Variants in MEF2C observed in about 807,000 individuals in gnomAD.
MEF2C encodes the protein myocyte-specific enhancer factor 2C.
Under a neutral mutation model 50.5 loss-of-function variants are expected in MEF2C, and 6 were observed. The ratio of observed to expected loss-of-function variants is 0.12; its 90% CI spans 0.07 to 0.23. The LOEUF (loss-of-function observed/expected upper bound fraction) is 0.23. Ranked by LOEUF, MEF2C falls within the 10% of genes least tolerant of loss-of-function variation. The probability of loss-of-function intolerance (pLI) is 1.00; values close to 1 mark genes in which losing one functional copy is unlikely to be tolerated. For missense variants in MEF2C, 276 were observed against 605.0 expected, an observed-to-expected ratio of 0.46 and a Z score of 5.70; for synonymous variants, 183 against 228.0, an observed-to-expected ratio of 0.80 and a Z score of 1.78.
chr5:88,885,292 T>C (rs3850651), upstream of MEF2C, among the ~76,000 whole-genome samples: 1 of 151,884 alleles, frequency 6.6e-6, no homozygotes, highest in Non-Finnish European at 1.5e-5. Context: ...TTTAGGCAAC[T>C]GTCCCAAGGC....
intron 10 of MEF2C, among the ~76,000 whole-genome samples, chr5:88,724,434 A>G (rs1757715397): frequency 6.6e-6 from 1 of 152,144 alleles, no homozygotes; most frequent in South Asian, 2.1e-4. Flanking sequence ...TCCTTCTCCT[A>G]TTAATAAATA....
intron 3 of MEF2C, among the ~76,000 whole-genome samples, chr5:88,783,984 A>G (rs537392402): frequency 6.6e-6 from 1 of 152,392 alleles, no homozygotes; most frequent in South Asian, 2.1e-4. Flanking sequence ...AGATATACAT[A>G]CTGGAAGGCC....
chr5:88,784,543 A>T (rs1250958041), intron 3 of MEF2C, among the ~76,000 whole-genome samples: 2 of 152,210 alleles, frequency 1.3e-5, no homozygotes, highest in Non-Finnish European at 2.9e-5. Flanking sequence ...ATAGCCTAGC[A>T]TAGTTACCAT....
Position 88,722,720 on chromosome 5 carries a change from G to T in MEF2C, c.1306C>A (p.Arg436=), listed in dbSNP as rs778488653. Residue 436 remains arginine (R), a synonymous_variant, in exon 11 of 11, where the codon CGA becomes AGA. Coordinates refer to ENST00000504921, the MANE Select transcript of MEF2C (RefSeq NM_002397.5). ...TGGAATTCGTTCCGGTGATCCTCTC[G>T]GTCGCTCCCGTCGTACGAACTGCTA... ...SCSSSYDGSD[R]EDHRNEFHSP... 1 of 1,613,904 alleles carries T rather than the reference G, an allele frequency of 6.2e-7. No individual in the cohort carries two copies. Among genetic ancestry groups the T allele is most frequent in the Non-Finnish European group, 8.5e-7 (1 of 1,179,884 alleles).
intron 3 of MEF2C, among the ~76,000 whole-genome samples, chr5:88,779,865 C>T (rs1018764755): frequency 1.7e-4 from 26 of 151,568 alleles, no homozygotes; most frequent in African/African-American, 6.3e-4. Context: ...AGGCCAGGCA[C>T]AGTGTCTCAT....
At chr5:88,827,429 A>C (rs535083295) in intron 1 of MEF2C, among the ~76,000 whole-genome samples, 1 of 152,094 alleles carries the variant, frequency 6.6e-6, no homozygotes, top group African/African-American at 2.4e-5. Flanking sequence ...CCAGAAGTGT[A>C]AAATGGGAAC....
In MEF2C at chr5:88,856,521, G is replaced by A. The variant is rs147039243; in HGVS notation, c.-143+26434C>T. On this transcript the variant is annotated intron_variant, in intron 1 of 10. Transcript: ENST00000504921. ...AAAAATGTCTCCAGGGCATGTCAGA[G>A]ACCTTCATGGCAGCCCTTCCTATCA... is the stretch of plus-strand genomic sequence containing the variant. Among the ~76,000 whole-genome samples the A allele has an allele frequency of 3.7e-3, 557 of 152,350 alleles. 2 individuals carry two copies. The highest frequency in any genetic ancestry group is 0.013 in the African/African-American group (528 of 41,570).
rs144261491 is a variant in MEF2C, at chr5:88,838,104, C to T, written c.-142-14174G>A. 3.0e-3 allele frequency among the ~76,000 whole-genome samples: 456 copies of T among 152,168 alleles called. 12 individuals are homozygous for T. The highest frequency in any genetic ancestry group is 0.027 in the Admixed American group (416 of 15,282). Reference sequence around the variant, plus strand: ...CAATCCAGTCTCACACTCAGAGAATCGAATCACATACTCTGTTACTTCTCT... The same window carrying T: ...CAATCCAGTCTCACACTCAGAGAATTGAATCACATACTCTGTTACTTCTCT... On this transcript the variant is annotated intron_variant, in intron 1 of 10. Coordinates refer to ENST00000504921, the MANE Select transcript of MEF2C (RefSeq NM_002397.5).
chr5:88,760,131 T>A (rs1367610282), intron 4 of MEF2C, among the ~76,000 whole-genome samples: 1 of 152,266 alleles, frequency 6.6e-6, no homozygotes, highest in Non-Finnish European at 1.5e-5. Flanking sequence ...ATTTAGAAGG[T>A]ATGTGAGCCT....
intron 2 of MEF2C, among the ~76,000 whole-genome samples, chr5:88,812,860 T>C (rs979101164): frequency 6.6e-6 from 1 of 152,132 alleles, no homozygotes; most frequent in Non-Finnish European, 1.5e-5. Context: ...CTATGGATTT[T>C]AGGGGCTGAA....
intron 6 of MEF2C, chr5:88,735,827 G>A (rs1763833636): frequency 2.0e-6 from 2 of 985,258 alleles, no homozygotes; most frequent in African/African-American, 3.5e-5. Flanking sequence ...ATTTTGCCTT[G>A]TCTCACAGAG....
At chr5:88,731,694 T>A in intron 7 of MEF2C, 35 bp downstream of exon 7, 1 of 1,568,046 alleles carries the variant, frequency 6.4e-7, no homozygotes, top group Non-Finnish European at 8.8e-7. Context: ...TACAAAACAT[T>A]ATCAATATTT....
chr5:88,796,826 T>C (rs1796216751), intron 3 of MEF2C, among the ~76,000 whole-genome samples: 1 of 152,242 alleles, frequency 6.6e-6, no homozygotes, highest in African/African-American at 2.4e-5. Flanking sequence ...ACACTATGTC[T>C]TTGTTCTCAT....
At chr5:88,812,522 TTG>T (rs1365773549) in intron 2 of MEF2C, among the ~76,000 whole-genome samples, 1 of 152,146 alleles carries the variant, frequency 6.6e-6, no homozygotes, top group African/African-American at 2.4e-5. Context: ...TGGTCAAATT[TTG>T]TGTGTGGGTT....
chr5:88,818,264 CA>C (rs1296393700), intron 2 of MEF2C, among the ~76,000 whole-genome samples: 1 of 151,872 alleles, frequency 6.6e-6, no homozygotes, highest in Non-Finnish European at 1.5e-5. Flanking sequence ...ATGAAACAAG[CA>C]CCCCCAAAAC....
At chr5:88,845,360 T>C (rs1818929249) in intron 1 of MEF2C, among the ~76,000 whole-genome samples, 1 of 152,218 alleles carries the variant, frequency 6.6e-6, no homozygotes, top group Non-Finnish European at 1.5e-5. Context: ...TTTCCTGCAT[T>C]GAAATATGAC....
At chr5:88,770,677 G>T (rs995159493) in intron 3 of MEF2C, among the ~76,000 whole-genome samples, 1 of 152,040 alleles carries the variant, frequency 6.6e-6, no homozygotes, top group Non-Finnish European at 1.5e-5. Context: ...CCTTGATTCC[G>T]TAATTTCTTG....
intron 6 of MEF2C, chr5:88,737,215 A>G: frequency 1.0e-6 from 1 of 985,156 alleles, no homozygotes; most frequent in Non-Finnish European, 1.2e-6. Flanking sequence ...GCTACTTGAG[A>G]AAATTTTATA....
At chr5:88,729,950 T>A (rs529791261) in intron 8 of MEF2C, among the ~76,000 whole-genome samples, 23 of 152,250 alleles carry the variant, frequency 1.5e-4, no homozygotes, top group Non-Finnish European at 1.6e-4. Context: ...ATTTTAGTTT[T>A]ATGTAATGAA....
Sources: allele counts gnomAD v4.1 joint callset (sites outside exome capture counted in the v4.1 genomes callset), GRCh38; gene constraint gnomAD v4.1.1; transcripts MANE v1.5; gene names NCBI Gene and HGNC (gene_info 2026-07-23, HGNC 2026-07-21).